The following XKR9 variants were observed in gnomAD, a reference collection of about 807,000 sequenced individuals.
XKR9 encodes the protein XK related 9.
In XKR9, 32 loss-of-function variants were observed where a neutral mutation model predicts 32.0. The observed-to-expected ratio is 1.00, with a 90% CI of 0.76 to 1.34. The LOEUF (loss-of-function observed/expected upper bound fraction) is 1.34, where lower values mean the gene tolerates loss of function less well. Among genes scored for constraint, XKR9 ranks in the 40% most tolerant of loss-of-function variants. The probability of loss-of-function intolerance (pLI) is 0.00; values close to 1 mark genes in which losing one functional copy is unlikely to be tolerated. For synonymous variants in XKR9, 168 were observed against 143.4 expected, an observed-to-expected ratio of 1.17 and a Z score of -1.22; for missense variants, 546 against 429.7, an observed-to-expected ratio of 1.27 and a Z score of -2.39.
At chr8:70,938,802 G>A in the XKR9 span, among the ~76,000 whole-genome samples, 3 of 151,970 alleles carry the variant, frequency 2.0e-5, no homozygotes, top group African/African-American at 4.8e-5. Context: ...AACCACACCT[G>A]CTTCATACAG....
intron 4 of XKR9, among the ~76,000 whole-genome samples, chr8:70,708,430 T>G (rs1276569218): frequency 6.6e-6 from 1 of 152,084 alleles, no homozygotes; most frequent in East Asian, 1.9e-4. Context: ...TAGCATAAAA[T>G]GAGATATAAT....
At chr8:71,048,610 T>C in the XKR9 span, among the ~76,000 whole-genome samples, 1 of 152,238 alleles carries the variant, frequency 6.6e-6, no homozygotes, top group African/African-American at 2.4e-5. Flanking sequence ...CAAAATGGTT[T>C]TCTGAATTTG....
At chr8:70,746,038 CT>C (rs1361690887) in intron 2 of XKR9, among the ~76,000 whole-genome samples, 3 of 152,140 alleles carry the variant, frequency 2.0e-5, no homozygotes, top group Admixed American at 1.3e-4. Flanking sequence ...GATATTAGAT[CT>C]AGTTTGTTAC....
downstream of XKR9, among the ~76,000 whole-genome samples, chr8:70,736,469 T>G (rs987699624): frequency 3.3e-4 from 50 of 152,224 alleles, no homozygotes; most frequent in Non-Finnish European, 5.6e-4. Flanking sequence ...CTCTTTATTT[T>G]AATTAGATCC....
chr8:70,830,758 G>A, the XKR9 span, among the ~76,000 whole-genome samples: 3 of 152,134 alleles, frequency 2.0e-5, no homozygotes, highest in Non-Finnish European at 4.4e-5. Context: ...TTTGTTTCAT[G>A]TCTCACAACT....
At chr8:71,041,810 C>T in the XKR9 span, among the ~76,000 whole-genome samples, 1 of 152,178 alleles carries the variant, frequency 6.6e-6, no homozygotes, top group Non-Finnish European at 1.5e-5. Context: ...GCTCCCCCTT[C>T]CCCTTCCGTC....
the XKR9 span, among the ~76,000 whole-genome samples, chr8:70,878,270 A>C: frequency 6.6e-6 from 1 of 152,184 alleles, no homozygotes; most frequent in African/African-American, 2.4e-5. Flanking sequence ...TAACCAGCGA[A>C]CATCATAATG....
chr8:70,852,645 T>G, the XKR9 span, among the ~76,000 whole-genome samples: 1 of 152,296 alleles, frequency 6.6e-6, no homozygotes, highest in African/African-American at 2.4e-5. Flanking sequence ...GTGGCATATA[T>G]ACACCATGGA....
chr8:71,023,953 T>C, the XKR9 span, among the ~76,000 whole-genome samples: 1 of 152,050 alleles, frequency 6.6e-6, no homozygotes, highest in African/African-American at 2.4e-5. Flanking sequence ...TTTGGACTTG[T>C]TGTTAGGTCC....
At chr8:70,932,423 G>A in the XKR9 span, among the ~76,000 whole-genome samples, 1 of 152,088 alleles carries the variant, frequency 6.6e-6, no homozygotes, top group Non-Finnish European at 1.5e-5. Flanking sequence ...CACTAGTCTA[G>A]GTCAGAGTTG....
chr8:70,943,918 G>A, the XKR9 span, among the ~76,000 whole-genome samples: 5 of 151,998 alleles, frequency 3.3e-5, no homozygotes, highest in South Asian at 4.2e-4. Context: ...TTATATTCTG[G>A]TTAAATTACT....
intron 4 of XKR9, among the ~76,000 whole-genome samples, chr8:70,721,218 T>G (rs1806270218): frequency 6.6e-6 from 1 of 152,134 alleles, no homozygotes; most frequent in African/African-American, 2.4e-5. Context: ...TTGCTAGTGG[T>G]GTATCTATTT....
Position 70,680,938 on chromosome 8 carries a change from T to A in XKR9, c.-121T>A. The A allele has an allele frequency of 1.2e-6, 1 of 849,086 alleles. No individual in the cohort carries two copies. Among genetic ancestry groups the A allele is most frequent in the Non-Finnish European group, 1.8e-6 (1 of 563,924 alleles). The allele number at this position is 849,086 out of a possible 1,614,324, so 52.6% of individuals were successfully genotyped here. A position where few individuals can be genotyped will look rare whatever the true frequency, so the allele number is the denominator to read the frequency against. On this transcript the variant is annotated 5_prime_UTR_variant, in exon 3 of 5. Coordinates refer to ENST00000408926, the MANE Select transcript of XKR9 (RefSeq NM_001011720.2). ...ATATTTATTCTTTCTTCTAAATAGA[T>A]TTAGGGAGTAGAAATTAAAATTCAA...
intron 2 of XKR9, among the ~76,000 whole-genome samples, chr8:70,748,556 G>A (rs1586881446): frequency 1.3e-5 from 2 of 152,364 alleles, no homozygotes; most frequent in East Asian, 1.9e-4. Context: ...GAGGGAGGCT[G>A]GTGGGGGCTG....
the XKR9 span, among the ~76,000 whole-genome samples, chr8:71,024,902 G>T: frequency 1.3e-5 from 2 of 152,114 alleles, no homozygotes; most frequent in African/African-American, 4.8e-5. Flanking sequence ...TCATTATTTT[G>T]GTTTCTGTTT....
chr8:70,746,132 T>C (rs774983446), intron 2 of XKR9, among the ~76,000 whole-genome samples: 1 of 151,720 alleles, frequency 6.6e-6, no homozygotes, highest in Middle Eastern at 3.4e-3. Context: ...TAAGTACTTT[T>C]TTAAAATGTT....
chr8:70,942,400 G>A, the XKR9 span, among the ~76,000 whole-genome samples: 1,526 of 152,186 alleles, frequency 0.01, 24 homozygotes, highest in African/African-American at 0.035. Context: ...ATGTTTTACG[G>A]TAGCCTTGAC....
At chr8:70,686,970 A>G (rs771646489) in intron 3 of XKR9, among the ~76,000 whole-genome samples, 9 of 152,126 alleles carry the variant, frequency 5.9e-5, no homozygotes, top group East Asian at 1.9e-4. Context: ...GAACATTCCA[A>G]TTTCACTCTT....
the XKR9 span, among the ~76,000 whole-genome samples, chr8:70,863,285 T>G: frequency 6.6e-6 from 1 of 152,186 alleles, no homozygotes; most frequent in Non-Finnish European, 1.5e-5. Context: ...TCTTGATACA[T>G]AAAAGAATAA....
Sources: allele counts gnomAD v4.1 joint callset (sites outside exome capture counted in the v4.1 genomes callset), GRCh38; gene constraint gnomAD v4.1.1; transcripts MANE v1.5; gene names NCBI Gene and HGNC (gene_info 2026-07-23, HGNC 2026-07-21).